Variants in DMD observed in about 807,000 individuals in gnomAD.
The protein encoded by DMD is mutant dystrophin.
DMD carries 63 observed loss-of-function variants against 330.1 expected under a neutral mutation model. The observed-to-expected ratio is 0.19, with a 90% CI of 0.16 to 0.24. The LOEUF (loss-of-function observed/expected upper bound fraction) is 0.24, where lower values mean the gene tolerates loss of function less well. Among genes scored for constraint, DMD ranks in the 10% least tolerant of loss-of-function variants. The probability of loss-of-function intolerance (pLI) is 1.00; values close to 1 mark genes in which losing one functional copy is unlikely to be tolerated. For synonymous variants in DMD, 1,223 were observed against 959.8 expected, an observed-to-expected ratio of 1.27 and a Z score of -5.07; for missense variants, 3,344 against 2,684.1, an observed-to-expected ratio of 1.25 and a Z score of -5.43.
At chrX:32,650,156 C>T (rs1041549265) in intron 9 of DMD, among the ~76,000 whole-genome samples, 2 of 111,716 alleles carry the variant, frequency 1.8e-5, no homozygotes, top group Non-Finnish European at 3.8e-5. Context: ...GAAAAAATAG[C>T]TGGGACACTA....
intron 51 of DMD, among the ~76,000 whole-genome samples, chrX:31,749,485 A>C (rs1228785338): frequency 9.5e-6 from 1 of 105,336 alleles, no homozygotes; most frequent in African/African-American, 3.4e-5. Flanking sequence ...ATCCTTTTTT[A>C]TGGCTGCATA....
intron 60 of DMD, among the ~76,000 whole-genome samples, chrX:31,363,313 T>A (rs769641488): frequency 3.8e-5 from 4 of 106,647 alleles, no homozygotes; most frequent in African/African-American, 1.0e-4. Flanking sequence ...ACAAAAACTA[T>A]CAAGAATGTA....
At chrX:31,404,819 A>C (rs2061340419) in intron 60 of DMD, among the ~76,000 whole-genome samples, 1 of 112,106 alleles carries the variant, frequency 8.9e-6, no homozygotes, top group African/African-American at 3.2e-5. Context: ...GAAAAGAATC[A>C]ATGAAAAATA....
At chrX:31,961,740 G>GTTTTTTTTTTTGTTTTTTTTTTTT (rs775099231) in intron 45 of DMD, among the ~76,000 whole-genome samples, 1 of 75,602 alleles carries the variant, frequency 1.3e-5, no homozygotes, top group African/African-American at 5.3e-5. Context: ...AAAGGAAGCG[G>GTTTTTTTTTTTGTTTTTTTTTTTT]TTTTTTTTTT....
At chrX:32,875,296 T>C (rs1185860864) in intron 2 of DMD, among the ~76,000 whole-genome samples, 1 of 111,927 alleles carries the variant, frequency 8.9e-6, no homozygotes, top group African/African-American at 3.2e-5. Context: ...GCACTCAGTC[T>C]CTTCTTAGTT....
At chrX:32,026,409 T>C (rs1306111437) in intron 44 of DMD, among the ~76,000 whole-genome samples, 1 of 112,102 alleles carries the variant, frequency 8.9e-6, no homozygotes, top group Non-Finnish European at 1.9e-5. Flanking sequence ...CATTCCACAA[T>C]GGGACTTAAT....
chrX:32,677,370 TCAC>T (rs1219699258), intron 9 of DMD, among the ~76,000 whole-genome samples: 1 of 111,562 alleles, frequency 9.0e-6, no homozygotes, highest in African/African-American at 3.2e-5. Context: ...AACAGTATAT[TCAC>T]ATGTGCATAT....
At chrX:32,657,979 AT>A (rs2060694923) in intron 9 of DMD, among the ~76,000 whole-genome samples, 1 of 111,654 alleles carries the variant, frequency 9.0e-6, no homozygotes, top group African/African-American at 3.2e-5. Context: ...TACCAAAAAA[AT>A]CAAAACAAAA....
At chrX:31,265,365 G>T (rs367762642) in intron 62 of DMD, among the ~76,000 whole-genome samples, 1 of 111,571 alleles carries the variant, frequency 9.0e-6, no homozygotes, top group Admixed American at 9.5e-5. Context: ...GTGGGGCAGG[G>T]GTTTGGAGGG....
intron 44 of DMD, among the ~76,000 whole-genome samples, chrX:32,136,196 C>T (rs781307743): frequency 5.3e-5 from 6 of 112,581 alleles, no homozygotes; most frequent in Non-Finnish European, 7.5e-5. Context: ...AACCCTTAAA[C>T]ATCAAATGCT....
Position 31,462,523 on chromosome X carries a change from C to T in DMD, c.8937+15583G>A, listed in dbSNP as rs143615247. ...ACAACTCCACAGCGAGGTTTCTGCT[C>T]GAGGGCTTGCTCTCTCTCTGGATCA... On this transcript the variant is annotated intron_variant, in intron 59 of 78. Transcript: ENST00000357033. 1.0e-3 allele frequency among the ~76,000 whole-genome samples: 114 copies of T among 111,370 alleles called. 1 individual carries two copies. In the East Asian group the frequency reaches 0.031, roughly 30 times the overall value.
chrX:32,905,046 A>G (rs1405496164), intron 2 of DMD, among the ~76,000 whole-genome samples: 1 of 112,448 alleles, frequency 8.9e-6, no homozygotes, highest in South Asian at 3.6e-4. Flanking sequence ...TATTGGGACC[A>G]TATGACCTTC....
intron 1 of DMD, among the ~76,000 whole-genome samples, chrX:33,158,105 A>T (rs181028507): frequency 3.7e-3 from 412 of 112,515 alleles, no homozygotes; most frequent in South Asian, 7.8e-3. Flanking sequence ...TATAATAAAA[A>T]GTCATTATCT....
At chrX:31,448,218 A>G (rs1055915857) in intron 59 of DMD, among the ~76,000 whole-genome samples, 1 of 110,665 alleles carries the variant, frequency 9.0e-6, no homozygotes, top group African/African-American at 3.3e-5. Flanking sequence ...AGAAATCATC[A>G]TGAGGGCACT....
intron 6 of DMD, among the ~76,000 whole-genome samples, chrX:32,815,554 G>A (rs1227896398): frequency 1.1e-5 from 1 of 93,735 alleles, no homozygotes; most frequent in Non-Finnish European, 2.0e-5. Flanking sequence ...TACATATATA[G>A]AGTATAAATG....
intron 11 of DMD, among the ~76,000 whole-genome samples, chrX:32,638,113 T>A (rs746724753): frequency 8.9e-6 from 1 of 111,979 alleles, no homozygotes; most frequent in African/African-American, 3.2e-5. Context: ...TAACCGAATG[T>A]CACGTTATCA....
At chrX:33,067,526 A>T (rs983797178) in intron 1 of DMD, among the ~76,000 whole-genome samples, 65 of 112,334 alleles carry the variant, frequency 5.8e-4, no homozygotes, top group African/African-American at 2.0e-3. Flanking sequence ...TAACCTCAGT[A>T]CTAGTGAACA....
intron 51 of DMD, among the ~76,000 whole-genome samples, chrX:31,737,555 C>T (rs1015678629): frequency 9.0e-6 from 1 of 111,729 alleles, no homozygotes; most frequent in African/African-American, 3.3e-5. Flanking sequence ...CATCCCTCGA[C>T]TCACTCTCCT....
At chrX:32,783,326 C>T (rs149899146) in intron 7 of DMD, among the ~76,000 whole-genome samples, 3,125 of 99,368 alleles carry the variant, frequency 0.031, 132 homozygotes, top group African/African-American at 0.11. Flanking sequence ...TATATATATA[C>T]ACACATATAT....
Sources: allele counts gnomAD v4.1 joint callset (sites outside exome capture counted in the v4.1 genomes callset), GRCh38; gene constraint gnomAD v4.1.1; transcripts MANE v1.5; gene names NCBI Gene and HGNC (gene_info 2026-07-23, HGNC 2026-07-21).